The following PRKAR2A variants were observed in gnomAD, a reference collection of about 807,000 sequenced individuals.
PRKAR2A encodes the protein protein kinase cAMP-dependent type II regulatory subunit alpha.
In PRKAR2A, 29 loss-of-function variants were observed where a neutral mutation model predicts 51.9. That is an observed-to-expected ratio of 0.56 (90% CI 0.42 to 0.76). PRKAR2A has a LOEUF of 0.76. Among genes scored for constraint, PRKAR2A ranks in the 30% least tolerant of loss-of-function variants. PRKAR2A has a pLI of 0.00. For missense variants in PRKAR2A, 445 were observed against 512.1 expected (o/e 0.87, Z 1.26); for synonymous variants, 178 against 186.2 (o/e 0.96, Z 0.36).
At chr3:48,792,934 C>T in intron 3 of PRKAR2A, among the ~76,000 whole-genome samples, 1 of 151,294 alleles carries the variant, frequency 6.6e-6, no homozygotes, top group East Asian at 2.0e-4. Context: ...GTCTCAAAAA[C>T]AAACAAACAA....
At chr3:48,774,554 T>C (rs550546251) in intron 5 of PRKAR2A, among the ~76,000 whole-genome samples, 1 of 152,320 alleles carries the variant, frequency 6.6e-6, no homozygotes, top group African/African-American at 2.4e-5. Flanking sequence ...ACTGTGTGTT[T>C]GTACCCATTA....
At chr3:48,804,048 G>C (rs2082631628) in intron 2 of PRKAR2A, among the ~76,000 whole-genome samples, 1 of 152,152 alleles carries the variant, frequency 6.6e-6, no homozygotes, top group Non-Finnish European at 1.5e-5. Flanking sequence ...ATCATGAACT[G>C]AAAGTAAGAT....
chr3:48,773,138 A>AGTTACTTCTGATAATAAATGTTAAG (rs2082053013), intron 5 of PRKAR2A, 30 bp from the exon 6 acceptor site: 2 of 1,554,010 alleles, frequency 1.3e-6, no homozygotes, highest in East Asian at 4.5e-5. Flanking sequence ...TAATTTAATT[A>AGTTACTTCTGATAATAAATGTTAAG]GTTACTTCTG....
intron 1 of PRKAR2A, among the ~76,000 whole-genome samples, chr3:48,840,603 G>A (rs1575961920): frequency 3.4e-5 from 3 of 88,708 alleles, no homozygotes; most frequent in Admixed American, 1.9e-4. Context: ...TTGAGACGGA[G>A]TCTCACTCTC....
intron 5 of PRKAR2A, among the ~76,000 whole-genome samples, chr3:48,780,313 C>T (rs1575867751): frequency 6.6e-6 from 1 of 150,770 alleles, no homozygotes; most frequent in East Asian, 2.0e-4. Context: ...GTAAAGAAAA[C>T]ATTTCCTTTG....
chr3:48,817,914 T>C (rs1159774524), intron 1 of PRKAR2A, among the ~76,000 whole-genome samples: 1 of 152,130 alleles, frequency 6.6e-6, no homozygotes, highest in East Asian at 1.9e-4. Flanking sequence ...TTTGAAAGCA[T>C]TAGCATGTAG....
chr3:48,792,103 A>C (rs1367068588), intron 3 of PRKAR2A, among the ~76,000 whole-genome samples: 2 of 151,956 alleles, frequency 1.3e-5, no homozygotes, highest in Non-Finnish European at 2.9e-5. Flanking sequence ...ACTCATTTTA[A>C]GAGTAACTTG....
chr3:48,790,587 T>G lies in PRKAR2A; in HGVS notation c.392A>C (p.Gln131Pro), dbSNP rs748291376. Residue 131 changes from glutamine (Q) to proline (P), a missense_variant, in exon 4 of 11, where the codon CAG becomes CCG. Gln to Pro is a moderately conservative substitution (Grantham distance 76, BLOSUM62 -1). Transcript: ENST00000265563. ...PKTDEQRCRL[Q>P]EACKDILLFK... ...AAGGAGAATATCTTTGCAAGCTTCC[T>G]GAAGTCTGCATCTCTGTTCATCAGT... 1.3e-6 allele frequency: 2 copies of G among 1,542,220 alleles called. No individual in the cohort carries two copies. The highest frequency in any genetic ancestry group is 2.6e-5 in the South Asian group (2 of 76,840).
chr3:48,762,391 T>C (rs1045428575), intron 8 of PRKAR2A, among the ~76,000 whole-genome samples: 1 of 152,134 alleles, frequency 6.6e-6, no homozygotes. Context: ...AAAATATAAT[T>C]TAGCAATTGC....
intron 1 of PRKAR2A, among the ~76,000 whole-genome samples, chr3:48,820,691 C>A (rs1359754890): frequency 6.6e-6 from 1 of 152,154 alleles, no homozygotes; most frequent in Non-Finnish European, 1.5e-5. Flanking sequence ...ATAGCACCTA[C>A]CTCATAGGGT....
In PRKAR2A at chr3:48,842,908, T is replaced by C. The variant is rs539993459; in HGVS notation, c.262+4427A>G. On this transcript the variant is annotated intron_variant, in intron 1 of 10. Coordinates refer to ENST00000265563, the MANE Select transcript of PRKAR2A (RefSeq NM_004157.4). ...GTTGTGTCTCTGCCTGGCTTTGGTA[T>C]CAGGATGATGCTGGCCTCATAAAAT... Among the ~76,000 whole-genome samples, 3 of 152,346 alleles carry C rather than the reference T, an allele frequency of 2.0e-5. No individual in the cohort carries two copies. The South Asian group carries it at 6.2e-4, about 32-fold the overall frequency.
At chr3:48,766,829 C>G (rs2081949250) in intron 6 of PRKAR2A, among the ~76,000 whole-genome samples, 1 of 152,136 alleles carries the variant, frequency 6.6e-6, no homozygotes, top group Admixed American at 6.6e-5. Flanking sequence ...TACCTTGACT[C>G]TAGCAAGTCA....
chr3:48,791,156 G>A (rs922077132), intron 3 of PRKAR2A, among the ~76,000 whole-genome samples: 7 of 150,590 alleles, frequency 4.6e-5, no homozygotes, highest in Middle Eastern at 3.4e-3. Flanking sequence ...GCATGGTGGC[G>A]CGTGCCTGTA....
intron 5 of PRKAR2A, among the ~76,000 whole-genome samples, chr3:48,780,127 C>A (rs1189337194): frequency 6.6e-6 from 1 of 151,450 alleles, no homozygotes; most frequent in Admixed American, 6.6e-5. Context: ...CCACTGCACT[C>A]CAGCCTTGCG....
Position 48,751,535 on chromosome 3 carries a change from G to T in PRKAR2A, c.*50C>A. The T allele has an allele frequency of 1.2e-6, 2 of 1,602,132 alleles. No homozygotes were observed. The highest frequency in any genetic ancestry group is 2.2e-5 in the South Asian group (2 of 90,208). ...TGTTTTCTGTATGTGTTCTGTGGCT[G>T]ACCAGAAGGTTTTGGTGTCACACTA... On this transcript the variant is annotated 3_prime_UTR_variant, in exon 11 of 11. Transcript: ENST00000265563.
At chr3:48,755,320 T>C (rs1346734510) in intron 9 of PRKAR2A, among the ~76,000 whole-genome samples, 2 of 151,902 alleles carry the variant, frequency 1.3e-5, no homozygotes, top group African/African-American at 2.4e-5. Flanking sequence ...ACTCAATATA[T>C]TTTGCTAAAG....
chr3:48,842,550 T>C (rs551281141), intron 1 of PRKAR2A, among the ~76,000 whole-genome samples: 6 of 152,302 alleles, frequency 3.9e-5, no homozygotes, highest in African/African-American at 9.6e-5. Flanking sequence ...GGCTGTGGGT[T>C]TGTCACAGAT....
intron 4 of PRKAR2A, among the ~76,000 whole-genome samples, chr3:48,789,296 G>A (rs1045155071): frequency 3.3e-5 from 5 of 152,238 alleles, no homozygotes; most frequent in Non-Finnish European, 5.9e-5. Context: ...ACCACAGATA[G>A]TGTTGAACCC....
chr3:48,778,610 C>T (rs1236628725), intron 5 of PRKAR2A, among the ~76,000 whole-genome samples: 2 of 152,122 alleles, frequency 1.3e-5, no homozygotes, highest in African/African-American at 2.4e-5. Context: ...ACCTCTGCCT[C>T]CCGGGTTCAA....
Sources: allele counts gnomAD v4.1 joint callset (sites outside exome capture counted in the v4.1 genomes callset), GRCh38; gene constraint gnomAD v4.1.1; transcripts MANE v1.5; gene names NCBI Gene and HGNC (gene_info 2026-07-23, HGNC 2026-07-21).